KCTD8: variants seen among roughly 807,000 people sequenced by gnomAD.
The protein encoded by KCTD8 is BTB/POZ domain-containing protein KCTD8.
A neutral mutation model predicts 31.5 loss-of-function variants in KCTD8; 27 were observed. That is an observed-to-expected ratio of 0.86 (90% CI 0.63 to 1.18). The LOEUF is 1.18. Ranked by LOEUF, KCTD8 falls within the 50% of genes most tolerant of loss-of-function variation. KCTD8 has a pLI of 0.00. For synonymous variants in KCTD8, 290 were observed against 280.0 expected (o/e 1.04, Z -0.36); for missense variants, 658 against 647.7 (o/e 1.02, Z -0.17).
At chr4:44,183,993 T>C (rs1337019575) in intron 1 of KCTD8, among the ~76,000 whole-genome samples, 2 of 152,224 alleles carry the variant, frequency 1.3e-5, no homozygotes, top group African/African-American at 2.4e-5. Context: ...AAAAACTCCA[T>C]TTTGATTTCA....
chr4:44,347,357 C>T (rs1719061207), intron 1 of KCTD8, among the ~76,000 whole-genome samples: 1 of 152,074 alleles, frequency 6.6e-6, no homozygotes, highest in Admixed American at 6.6e-5. Context: ...CAATGTGGCA[C>T]AAAACAGACA....
intron 1 of KCTD8, among the ~76,000 whole-genome samples, chr4:44,405,519 C>T (rs1038421086): frequency 9.9e-5 from 15 of 152,042 alleles, no homozygotes; most frequent in Non-Finnish European, 4.4e-5. Flanking sequence ...CTGCCCACCT[C>T]GCCCTCCCAA....
chr4:44,236,600 C>T, intron 1 of KCTD8, among the ~76,000 whole-genome samples: 1 of 151,754 alleles, frequency 6.6e-6, no homozygotes, highest in East Asian at 1.9e-4. Flanking sequence ...AAAGTGGAAA[C>T]TCTTCTCCAC....
intron 1 of KCTD8, among the ~76,000 whole-genome samples, chr4:44,395,778 T>A (rs1290516260): frequency 6.6e-6 from 1 of 152,062 alleles, no homozygotes; most frequent in Non-Finnish European, 1.5e-5. Flanking sequence ...AGACACTGGC[T>A]GGGGGTGAGG....
At chr4:44,245,531 A>C (rs570568747) in intron 1 of KCTD8, among the ~76,000 whole-genome samples, 1 of 151,624 alleles carries the variant, frequency 6.6e-6, no homozygotes, top group African/African-American at 2.4e-5. Flanking sequence ...ATGGTGTATA[A>C]ATTTTTTCTT....
At chr4:44,284,218 G>T (rs1202666896) in intron 1 of KCTD8, among the ~76,000 whole-genome samples, 3 of 152,010 alleles carry the variant, frequency 2.0e-5, no homozygotes, top group Admixed American at 6.6e-5. Context: ...CATGTTACCT[G>T]ACTTCAAAGT....
At chr4:44,339,676 T>C (rs1718845441) in intron 1 of KCTD8, among the ~76,000 whole-genome samples, 1 of 152,130 alleles carries the variant, frequency 6.6e-6, no homozygotes, top group Non-Finnish European at 1.5e-5. Flanking sequence ...TTTATAACTT[T>C]CAACCAGCTT....
intron 1 of KCTD8, among the ~76,000 whole-genome samples, chr4:44,305,746 C>G (rs1421762797): frequency 2.6e-5 from 4 of 151,584 alleles, no homozygotes; most frequent in African/African-American, 7.3e-5. Context: ...CAATTTTTTA[C>G]CCCAAAATGA....
At chr4:44,245,218 T>C (rs1715619080) in intron 1 of KCTD8, among the ~76,000 whole-genome samples, 1 of 152,056 alleles carries the variant, frequency 6.6e-6, no homozygotes, top group African/African-American at 2.4e-5. Context: ...AGCTTTCTTT[T>C]GGGGTAAGAG....
chr4:44,422,998 T>A (rs548207981), intron 1 of KCTD8, among the ~76,000 whole-genome samples: 3 of 152,188 alleles, frequency 2.0e-5, no homozygotes, highest in Admixed American at 6.6e-5. Context: ...TCTGCTTCTG[T>A]TTCCAGGGTA....
In KCTD8 at chr4:44,204,011, T is replaced by C. The variant is rs181372050; in HGVS notation, c.962-28761A>G. Among the ~76,000 whole-genome samples, 29 of 152,102 alleles carry C rather than the reference T, an allele frequency of 1.9e-4. No individual in the cohort carries two copies. In the East Asian group the frequency reaches 5.0e-3, roughly 26 times the overall value. ...GGGGAGATGATAAAATCTATATAAC[T>C]TTACAGTTACTTCCAGTACAAAAAA... On this transcript the variant is annotated intron_variant, in intron 1 of 1. Transcript: ENST00000360029.
At chr4:44,315,241 A>G (rs1459553577) in intron 1 of KCTD8, among the ~76,000 whole-genome samples, 1 of 152,060 alleles carries the variant, frequency 6.6e-6, no homozygotes, top group Non-Finnish European at 1.5e-5. Context: ...CTGGATTAAA[A>G]GAAAGAAAAT....
At chr4:44,229,029 T>C (rs980475785) in intron 1 of KCTD8, among the ~76,000 whole-genome samples, 1 of 152,226 alleles carries the variant, frequency 6.6e-6, no homozygotes, top group Non-Finnish European at 1.5e-5. Context: ...TAACTTTGAC[T>C]GAGGGCAAGT....
At chr4:44,227,609 C>T (rs1445432215) in intron 1 of KCTD8, among the ~76,000 whole-genome samples, 1 of 152,132 alleles carries the variant, frequency 6.6e-6, no homozygotes, top group African/African-American at 2.4e-5. Flanking sequence ...ACCCAGTAAG[C>T]ATTTTCTTTG....
intron 1 of KCTD8, among the ~76,000 whole-genome samples, chr4:44,219,963 T>C (rs1163549984): frequency 6.6e-6 from 1 of 152,212 alleles, no homozygotes; most frequent in Non-Finnish European, 1.5e-5. Context: ...AATGTTGTTT[T>C]TTATTTCTAG....
intron 1 of KCTD8, among the ~76,000 whole-genome samples, chr4:44,318,228 C>G (rs930825335): frequency 6.6e-6 from 1 of 152,114 alleles, no homozygotes; most frequent in African/African-American, 2.4e-5. Context: ...GTCATACTGT[C>G]TGTTTTCTTT....
In KCTD8 at chr4:44,175,032, T is replaced by C; in HGVS notation, c.1180A>G (p.Lys394Glu). 6.2e-7 allele frequency: 1 copy of C among 1,614,052 alleles called. No homozygotes were observed. The highest frequency in any genetic ancestry group is 8.5e-7 in the Non-Finnish European group (1 of 1,179,974). ...GGTATCCATTGTACAGGTGCTTTTTTAGAGGGGCGATCCAATGTTAAAGTG... is the reference window on the plus strand; with the variant it reads ...GGTATCCATTGTACAGGTGCTTTTTCAGAGGGGCGATCCAATGTTAAAGTG... ...PNTLTLDRPS[K>E]KAPVQWIPPP... Residue 394 changes from lysine to glutamate, a missense_variant, in exon 2 of 2, where the codon AAA (lysine) becomes GAA (glutamate). Transcript: ENST00000360029.
chr4:44,246,824 C>T (rs1715680249), intron 1 of KCTD8, among the ~76,000 whole-genome samples: 1 of 152,004 alleles, frequency 6.6e-6, no homozygotes, highest in African/African-American at 2.4e-5. Flanking sequence ...TTCCCTGTGA[C>T]CTTTGAGATG....
intron 1 of KCTD8, among the ~76,000 whole-genome samples, chr4:44,184,337 T>C (rs577668367): frequency 6.6e-6 from 1 of 152,172 alleles, no homozygotes; most frequent in African/African-American, 2.4e-5. Flanking sequence ...ATAAAATTAA[T>C]TTATATGTGA....
Sources: allele counts gnomAD v4.1 joint callset (sites outside exome capture counted in the v4.1 genomes callset), GRCh38; gene constraint gnomAD v4.1.1; transcripts MANE v1.5; gene names NCBI Gene and HGNC (gene_info 2026-07-23, HGNC 2026-07-21).